SLC20A2: variants seen among roughly 807,000 people sequenced by gnomAD.
SLC20A2 encodes solute carrier family 20 member 2.
A neutral mutation model predicts 61.0 loss-of-function variants in SLC20A2; 30 were observed. That is an observed-to-expected ratio of 0.49 (90% CI 0.37 to 0.67). The LOEUF (loss-of-function observed/expected upper bound fraction) is 0.67. Among genes scored for constraint, SLC20A2 ranks in the 30% least tolerant of loss-of-function variants. SLC20A2 has a pLI of 0.00. For missense variants in SLC20A2, 626 were observed against 866.4 expected (o/e 0.72, Z 3.48); for synonymous variants, 351 against 353.3 (o/e 0.99, Z 0.07).
chr8:42,540,107 C>T (rs1311090873), intron 1 of SLC20A2, among the ~76,000 whole-genome samples: 1 of 152,108 alleles, frequency 6.6e-6, no homozygotes. Flanking sequence ...GCCTAGCCAA[C>T]ATGGTGAAAC....
In SLC20A2 at chr8:42,483,967, A is replaced by T. The variant is rs891625084; in HGVS notation, c.-264-11313T>A. 2.6e-5 allele frequency among the ~76,000 whole-genome samples: 4 copies of T among 152,342 alleles called. No individual in the cohort carries two copies. The East Asian group carries it at 7.7e-4, about 29-fold the overall frequency. On this transcript the variant is annotated intron_variant, in intron 1 of 10. Transcript: ENST00000520262. ...AATAAAAATATGGATGGTACTTATA[A>T]AACTTTTTGTTCCTGGTACAACCGC... is the stretch of plus-strand genomic sequence containing the variant.
intron 5 of SLC20A2, among the ~76,000 whole-genome samples, chr8:42,448,515 C>T (rs1241018087): frequency 6.6e-6 from 1 of 152,090 alleles, no homozygotes; most frequent in Non-Finnish European, 1.5e-5. Flanking sequence ...AACCTGAGGT[C>T]GGGGGCAAGA....
At chr8:42,455,216 C>G in intron 5 of SLC20A2, among the ~76,000 whole-genome samples, 1 of 112,168 alleles carries the variant, frequency 8.9e-6, no homozygotes, top group African/African-American at 4.0e-5. Context: ...CAGAGCAAGA[C>G]TCCGTCTAAA....
At chr8:42,504,910 G>T (rs190548225), upstream of SLC20A2, among the ~76,000 whole-genome samples, 4 of 136,010 alleles carry the variant, frequency 2.9e-5, no homozygotes, top group African/African-American at 1.1e-4. Context: ...TACTATGCCA[G>T]GTACTGGGGA....
chr8:42,526,864 G>C (rs55796192), intron 1 of SLC20A2, among the ~76,000 whole-genome samples: 26 of 152,152 alleles, frequency 1.7e-4, no homozygotes, highest in Non-Finnish European at 3.4e-4. Flanking sequence ...AGCACTTTGA[G>C]GGGTCACGGT....
chr8:42,455,241 A>AAATATATATAT (rs1416804518), intron 5 of SLC20A2, among the ~76,000 whole-genome samples: 6 of 102,604 alleles, frequency 5.8e-5, no homozygotes, highest in African/African-American at 2.5e-4. Flanking sequence ...AAAAAAAAAA[A>AAATATATATAT]ATATATATAT....
intron 1 of SLC20A2, chr8:42,541,680 C>T (rs1350957536): frequency 1.3e-5 from 2 of 149,718 alleles, no homozygotes; most frequent in Non-Finnish European, 3.0e-5. Flanking sequence ...CAGCGCTGGC[C>T]GCGTGCCGCC....
intron 8 of SLC20A2, among the ~76,000 whole-genome samples, chr8:42,436,095 A>G (rs1166815468): frequency 6.6e-6 from 1 of 151,590 alleles, no homozygotes; most frequent in Non-Finnish European, 1.5e-5. Context: ...CAGCCTGGGG[A>G]ACAGAGCGAG....
chr8:42,530,652 A>T (rs1434487621), intron 1 of SLC20A2, among the ~76,000 whole-genome samples: 1 of 152,176 alleles, frequency 6.6e-6, no homozygotes, highest in Non-Finnish European at 1.5e-5. Flanking sequence ...TGGTAAACTG[A>T]TCAGGCTAAA....
At chr8:42,485,343 T>C (rs1436023094) in intron 1 of SLC20A2, among the ~76,000 whole-genome samples, 3 of 152,078 alleles carry the variant, frequency 2.0e-5, no homozygotes, top group African/African-American at 7.2e-5. Context: ...ATTTTTCCTT[T>C]AGAAAACTTG....
intron 1 of SLC20A2, among the ~76,000 whole-genome samples, chr8:42,506,250 A>G (rs1206247799): frequency 6.6e-6 from 1 of 152,148 alleles, no homozygotes; most frequent in African/African-American, 2.4e-5. Context: ...CACGTTAGGA[A>G]TTCTTTGGAT....
chr8:42,489,356 C>T (rs971484382), intron 1 of SLC20A2, among the ~76,000 whole-genome samples: 7 of 152,042 alleles, frequency 4.6e-5, no homozygotes, highest in Non-Finnish European at 7.4e-5. Context: ...TTTGAACGTA[C>T]GTGTAATGGC....
chr8:42,526,746 A>G (rs1432007324), intron 1 of SLC20A2, among the ~76,000 whole-genome samples: 1 of 151,956 alleles, frequency 6.6e-6, no homozygotes, highest in Non-Finnish European at 1.5e-5. Flanking sequence ...TAATAATAAT[A>G]ATAATGTATT....
At chr8:42,446,590 C>A (rs984083195) in intron 5 of SLC20A2, among the ~76,000 whole-genome samples, 1 of 152,170 alleles carries the variant, frequency 6.6e-6, no homozygotes, top group African/African-American at 2.4e-5. Flanking sequence ...GGCCCAAGAT[C>A]CAATGAGTAA....
Position 42,428,821 on chromosome 8 carries a change from G to A in SLC20A2, c.1731C>T (p.Ala577=), listed in dbSNP as rs771588688. 1 of 1,604,938 alleles carries A rather than the reference G, an allele frequency of 6.2e-7. No homozygotes were observed. Among genetic ancestry groups the A allele is most frequent in the South Asian group, 1.1e-5 (1 of 89,970 alleles). ...AGGCGATCACCACTGTGAAGGCTGA[G>A]GCCAGCTCGATCGTGAAGCCGCTGT... ...TPSSGFTIEL[A]SAFTVVIASN... The change falls in exon 10 of 11, where the codon GCC becomes GCT. Residue 577 remains alanine (A), a synonymous_variant. Coordinates refer to ENST00000520262, the MANE Select transcript of SLC20A2 (RefSeq NM_001257180.2).
intron 1 of SLC20A2, among the ~76,000 whole-genome samples, chr8:42,514,357 G>A (rs1362281808): frequency 6.6e-6 from 1 of 152,148 alleles, no homozygotes; most frequent in Non-Finnish European, 1.5e-5. Flanking sequence ...CAGAGACTAG[G>A]GGAGAACTGT....
intron 1 of SLC20A2, among the ~76,000 whole-genome samples, chr8:42,506,876 A>G (rs575421932): frequency 4.6e-5 from 7 of 152,316 alleles, no homozygotes; most frequent in Non-Finnish European, 8.8e-5. Context: ...AACAGCAAAC[A>G]TAATGCTGGG....
intron 5 of SLC20A2, among the ~76,000 whole-genome samples, chr8:42,451,188 T>A (rs192635420): frequency 2.0e-3 from 215 of 109,462 alleles, no homozygotes; most frequent in Middle Eastern, 7.4e-3. Context: ...AGGAGGAAGA[T>A]GAGAAGGAAG....
Position 42,437,744 on chromosome 8 carries a change from T to A in SLC20A2, c.935-167A>T, listed in dbSNP as rs1421341202. ...AGCGATTCTCCCTCAGCCTCCTGAG[T>A]AGCTGGGACTACAAGCGCGACACCA... On this transcript the variant is annotated intron_variant, in intron 7 of 10. Coordinates refer to ENST00000520262, the MANE Select transcript of SLC20A2 (RefSeq NM_001257180.2). This position sits in a 1 kb window ranked among gnomAD's most constrained non-coding sequence, Gnocchi z 6.4. 6.6e-6 allele frequency among the ~76,000 whole-genome samples: 1 copy of A among 151,632 alleles called. No individual in the cohort carries two copies. The highest frequency in any genetic ancestry group is 1.5e-5 in the Non-Finnish European group (1 of 67,916).
Sources: allele counts gnomAD v4.1 joint callset (sites outside exome capture counted in the v4.1 genomes callset), GRCh38; gene constraint gnomAD v4.1.1; non-coding constraint Gnocchi (gnomAD v3.1); transcripts MANE v1.5; gene names NCBI Gene and HGNC (gene_info 2026-07-23, HGNC 2026-07-21).